C1orf141: variants seen among roughly 807,000 people sequenced by gnomAD.
C1orf141 encodes the protein chromosome 1 open reading frame 141, also known as uncharacterized protein C1orf141.
C1orf141 carries 19 observed loss-of-function variants against 23.2 expected under a neutral mutation model. The observed-to-expected ratio is 0.82, with a 90% CI of 0.57 to 1.20. The LOEUF (loss-of-function observed/expected upper bound fraction) is 1.20. Among genes scored for constraint, C1orf141 ranks in the 50% most tolerant of loss-of-function variants. The probability of loss-of-function intolerance (pLI) is 0.00; values close to 1 mark genes in which losing one functional copy is unlikely to be tolerated. For synonymous variants in C1orf141, 153 were observed against 154.6 expected (o/e 0.99, Z 0.08); for missense variants, 469 against 455.1 (o/e 1.03, Z -0.28).
At position 67,095,486 on chromosome 1, in the gene C1orf141, G is replaced by T. The variant is rs1216166132; in HGVS notation, c.417-65C>A. 3 of 932,298 alleles carry T rather than the reference G, an allele frequency of 3.2e-6. No homozygotes were observed. The African/African-American group carries it at 5.1e-5, about 16-fold the overall frequency. The allele number at this position is 932,298 out of a possible 1,614,324, so 57.8% of individuals were successfully genotyped here. Reference sequence around the variant, plus strand: ...GATTACAGCTTGTCAGTTCTTGTCTGCCTCCTTTTATCCCTGGAAGTCACT... The same window carrying T: ...GATTACAGCTTGTCAGTTCTTGTCTTCCTCCTTTTATCCCTGGAAGTCACT... On this transcript the variant is annotated intron_variant, in intron 6 of 7. Transcript: ENST00000684719.
At chr1:67,115,308 C>A in intron 5 of C1orf141, 44 bp downstream of exon 5, 1 of 719,300 alleles carries the variant, frequency 1.4e-6, no homozygotes, top group Non-Finnish European at 2.4e-6. Context: ...AATAAAGCAC[C>A]CATTAATAAA....
chr1:67,099,473 G>GA (rs1338550084), intron 5 of C1orf141, among the ~76,000 whole-genome samples: 1 of 152,136 alleles, frequency 6.6e-6, no homozygotes, highest in Non-Finnish European at 1.5e-5. Flanking sequence ...TGCTCTTCAG[G>GA]AAAAATGTAA....
At position 67,127,226 on chromosome 1, in the gene C1orf141, G is replaced by A. The variant is rs1429103341; in HGVS notation, c.15C>T (p.Ile5=). The A allele has an allele frequency of 1.2e-6, 2 of 1,604,490 alleles. No homozygotes were observed. Among genetic ancestry groups the A allele is most frequent in the East Asian group, 4.5e-5 (2 of 44,550 alleles). The change falls in exon 3 of 8, where the codon ATC becomes ATT. Residue 5 remains isoleucine (I), a synonymous_variant. Coordinates refer to ENST00000684719, the MANE Select transcript of C1orf141 (RefSeq NM_001276351.2). ...TATCAAGGACATCCAACTTCTCTAGGATTTTTTCTGCCATTGTCAATCACT... is the reference window on the plus strand; with the variant it reads ...TATCAAGGACATCCAACTTCTCTAGAATTTTTTCTGCCATTGTCAATCACT... MAEK[I]LEKLDVLDKQ...
At position 67,125,928 on chromosome 1, in the gene C1orf141, G is replaced by GAAA. The variant is rs11336462; in HGVS notation, c.76-22_76-20dup. 5.4e-4 allele frequency: 639 copies of GAAA among 1,183,160 alleles called. 1 individual carries two copies. The highest frequency in any genetic ancestry group is 9.3e-4 in the Middle Eastern group (4 of 4,300). The allele number at this position is 1,183,160 out of a possible 1,614,324, so 73.3% of individuals were successfully genotyped here. ...TGTTTATCTGCAGCAATGCCAAAGTGAAAAAAAAAAAAAAAAAAAGAGTAC... is the reference window on the plus strand; with the variant it reads ...TGTTTATCTGCAGCAATGCCAAAGTGAAAAAAAAAAAAAAAAAAAAAAGAGTAC... On this transcript the variant is annotated intron_variant, in intron 3 of 7. Transcript: ENST00000684719.
intron 4 of C1orf141, chr1:67,123,246 A>G (rs565316766): frequency 2.0e-5 from 3 of 151,676 alleles, no homozygotes; most frequent in Non-Finnish European, 4.4e-5. Context: ...CAGTGCGCTT[A>G]TGAGAGGAAA....
rs148866330 is a variant in C1orf141 at position 67,112,171 on chromosome 1, C to A, written c.346+3181G>T. On this transcript the variant is annotated intron_variant, in intron 5 of 7. Coordinates refer to ENST00000684719, the MANE Select transcript of C1orf141 (RefSeq NM_001276351.2). The stretch of plus-strand genomic sequence containing the variant: ...CCATAGCCATAGGAAAGTTACTTAA[C>A]ATCTGTGAGTCTTACTTTCCTCATT... 5.9e-5 allele frequency among the ~76,000 whole-genome samples: 9 copies of A among 152,286 alleles called. No individual in the cohort carries two copies. The East Asian group carries it at 1.7e-3, about 29-fold the overall frequency.
chr1:67,137,862 G>A (rs189796172), upstream of C1orf141, among the ~76,000 whole-genome samples: 2 of 152,276 alleles, frequency 1.3e-5, no homozygotes. Flanking sequence ...ATCCCCAAAT[G>A]GTGAAAAGCC....
chr1:67,133,178 GGCTCAGCT>G (rs1341987919), intron 1 of C1orf141, among the ~76,000 whole-genome samples: 1 of 152,144 alleles, frequency 6.6e-6, no homozygotes, highest in Non-Finnish European at 1.5e-5. Context: ...CAATATAATA[GGCTCAGCT>G]GAGAAGAGTT....
rs377607017 is a variant in C1orf141 at position 67,128,662 on chromosome 1, C to T, written c.-17-1405G>A. On this transcript the variant is annotated intron_variant, in intron 2 of 7. Coordinates refer to ENST00000684719, the MANE Select transcript of C1orf141 (RefSeq NM_001276351.2). ...GTTGCAGTGAGCCAAGATGGCACGC[C>T]ACTGTGCTCCAGCCTGGGTGACAGA... Among the ~76,000 whole-genome samples the T allele has an allele frequency of 1.3e-3, 199 of 152,048 alleles. 3 individuals are homozygous for T. Among genetic ancestry groups the T allele is most frequent in the African/African-American group, 4.7e-3 (194 of 41,470 alleles).
chr1:67,137,759 G>A (rs150250631), upstream of C1orf141, among the ~76,000 whole-genome samples: 125 of 152,282 alleles, frequency 8.2e-4, no homozygotes, highest in Non-Finnish European at 1.5e-3. Flanking sequence ...GGCAAAGGCC[G>A]GACTTTCTTT....
chr1:67,113,225 C>T (rs896602112), intron 5 of C1orf141, among the ~76,000 whole-genome samples: 1 of 151,556 alleles, frequency 6.6e-6, no homozygotes, highest in Admixed American at 6.6e-5. Flanking sequence ...AGTGATCTGC[C>T]TACCTTGACC....
intron 5 of C1orf141, among the ~76,000 whole-genome samples, chr1:67,103,584 AC>A (rs1478062895): frequency 1.3e-5 from 2 of 152,124 alleles, no homozygotes; most frequent in Non-Finnish European, 2.9e-5. Flanking sequence ...CAATAAAAAA[AC>A]AAACCTTCAC....
At chr1:67,094,011 C>T (rs567511446) in intron 7 of C1orf141, 1 of 153,424 alleles carries the variant, frequency 6.5e-6, no homozygotes, top group African/African-American at 2.4e-5. Flanking sequence ...TCAGAAGAGA[C>T]ATAACTGATT....
At chr1:67,102,367 T>A (rs897516557) in intron 5 of C1orf141, among the ~76,000 whole-genome samples, 1 of 151,572 alleles carries the variant, frequency 6.6e-6, no homozygotes, top group African/African-American at 2.4e-5. Context: ...AAAGCATTTC[T>A]TACTGTGGCC....
At chr1:67,103,606 A>T (rs1645856143) in intron 5 of C1orf141, among the ~76,000 whole-genome samples, 1 of 152,114 alleles carries the variant, frequency 6.6e-6, no homozygotes, top group Admixed American at 6.5e-5. Context: ...AAGTTAAAAG[A>T]TCTGCTTATG....
intron 4 of C1orf141, among the ~76,000 whole-genome samples, chr1:67,125,327 C>T (rs1294636103): frequency 6.6e-6 from 1 of 151,998 alleles, no homozygotes. Context: ...TAACTCATAA[C>T]CCTTATAACA....
intron 5 of C1orf141, among the ~76,000 whole-genome samples, chr1:67,101,884 G>A (rs1032417274): frequency 6.6e-6 from 1 of 152,082 alleles, no homozygotes; most frequent in African/African-American, 2.4e-5. Flanking sequence ...TGCTTTGAGG[G>A]AACACTTCAG....
At chr1:67,100,891 A>T (rs1202224057) in intron 5 of C1orf141, among the ~76,000 whole-genome samples, 3 of 152,162 alleles carry the variant, frequency 2.0e-5, no homozygotes, top group African/African-American at 7.2e-5. Flanking sequence ...GGAGCCCTGG[A>T]AGATCGTGGA....
At chr1:67,129,031 C>T (rs984486603) in intron 2 of C1orf141, among the ~76,000 whole-genome samples, 1 of 151,676 alleles carries the variant, frequency 6.6e-6, no homozygotes, top group Non-Finnish European at 1.5e-5. Flanking sequence ...CTCTTTTTTC[C>T]TTCACCATAC....
Sources: allele counts gnomAD v4.1 joint callset (sites outside exome capture counted in the v4.1 genomes callset), GRCh38; gene constraint gnomAD v4.1.1; transcripts MANE v1.5; gene names NCBI Gene and HGNC (gene_info 2026-07-23, HGNC 2026-07-21).